The following RASEF variants were observed in gnomAD, a reference collection of about 807,000 sequenced individuals.
RASEF encodes the protein RAS and EF-hand domain containing.
RASEF carries 68 observed loss-of-function variants against 90.1 expected under a neutral mutation model. The observed-to-expected ratio is 0.75, with a 90% CI of 0.62 to 0.92. The LOEUF (loss-of-function observed/expected upper bound fraction) is 0.92, where lower values mean the gene tolerates loss of function less well. RASEF is among the 40% of genes least tolerant of loss of function. The probability of loss-of-function intolerance (pLI) is 0.00; values close to 1 mark genes in which losing one functional copy is unlikely to be tolerated. For missense variants in RASEF, 949 were observed against 937.2 expected (o/e 1.01, Z -0.16); for synonymous variants, 331 against 345.2 (o/e 0.96, Z 0.46).
At chr9:83,033,383 A>G (rs1311050077) in intron 1 of RASEF, among the ~76,000 whole-genome samples, 2 of 152,210 alleles carry the variant, frequency 1.3e-5, no homozygotes, top group African/African-American at 4.8e-5. Context: ...ACAGGTGAAC[A>G]TGACCAGTCC....
intron 1 of RASEF, among the ~76,000 whole-genome samples, chr9:83,056,647 G>C (rs77904585): frequency 0.012 from 1,862 of 152,338 alleles, 28 homozygotes; most frequent in East Asian, 0.072. Context: ...CGCTTAAAGA[G>C]ATAGGGGTAG....
chr9:83,070,419 A>G, the RASEF span, among the ~76,000 whole-genome samples: 64 of 152,232 alleles, frequency 4.2e-4, no homozygotes, highest in African/African-American at 1.5e-3. Flanking sequence ...TTAGAAATCA[A>G]ATGACTACAT....
At chr9:83,180,539 A>G in the RASEF span, among the ~76,000 whole-genome samples, 1 of 151,936 alleles carries the variant, frequency 6.6e-6, no homozygotes, top group Non-Finnish European at 1.5e-5. Context: ...TATTTAGTCA[A>G]CAAGTATGGC....
At chr9:83,007,409 G>T in intron 7 of RASEF, 28 bp downstream of exon 7, 4 of 1,534,846 alleles carry the variant, frequency 2.6e-6, no homozygotes, top group African/African-American at 1.4e-5. Context: ...AAATGTAAAT[G>T]TAATGAGCAT....
At chr9:83,124,659 T>C in the RASEF span, among the ~76,000 whole-genome samples, 1 of 152,294 alleles carries the variant, frequency 6.6e-6, no homozygotes, top group African/African-American at 2.4e-5. Flanking sequence ...TCAAGCCCTA[T>C]TGTGAGTCAG....
chr9:83,040,362 A>G (rs1564085950), intron 1 of RASEF, among the ~76,000 whole-genome samples: 1 of 152,208 alleles, frequency 6.6e-6, no homozygotes, highest in Non-Finnish European at 1.5e-5. Context: ...TTTTAACAAA[A>G]TATTATTTAT....
At chr9:83,057,800 TATATATCC>T (rs1349478357) in intron 1 of RASEF, among the ~76,000 whole-genome samples, 1 of 148,824 alleles carries the variant, frequency 6.7e-6, no homozygotes, top group African/African-American at 2.5e-5. Context: ...TACATACATA[TATATATCC>T]ATATATACAT....
the RASEF span, among the ~76,000 whole-genome samples, chr9:83,157,793 A>G: frequency 6.6e-6 from 1 of 152,220 alleles, no homozygotes; most frequent in Non-Finnish European, 1.5e-5. Context: ...GCATTTACCA[A>G]TCTAAAAAAT....
the RASEF span, among the ~76,000 whole-genome samples, chr9:83,148,555 A>C: frequency 6.6e-6 from 1 of 152,112 alleles, no homozygotes; most frequent in Non-Finnish European, 1.5e-5. Context: ...CAGCCCTCAG[A>C]AGGAACCAAC....
In RASEF at chr9:83,009,959, A is replaced by G. The variant is rs557157216; in HGVS notation, c.844-203T>C. Among the ~76,000 whole-genome samples the G allele has an allele frequency of 2.6e-5, 4 of 152,322 alleles. No individual in the cohort carries two copies. In the East Asian group the frequency reaches 7.7e-4, roughly 29 times the overall value. On this transcript the variant is annotated intron_variant, in intron 5 of 16. Transcript: ENST00000376447. ...TAAAGTGTCAAAAATCAAAACCCTCAAAGTCATTCTTCATTTTTTTATGCT... is the reference window on the plus strand; with the variant it reads ...TAAAGTGTCAAAAATCAAAACCCTCGAAGTCATTCTTCATTTTTTTATGCT...
Position 83,036,070 on chromosome 9 carries a change from G to C in RASEF, c.432-10149C>G, listed in dbSNP as rs192667793. ...GTGTGAGACATCCATGCAGTGAAAAGATAGAATAATATGTGGCTAAATCAG... is the reference window on the plus strand; with the variant it reads ...GTGTGAGACATCCATGCAGTGAAAACATAGAATAATATGTGGCTAAATCAG... On this transcript the variant is annotated intron_variant, in intron 1 of 16. Coordinates refer to ENST00000376447, the MANE Select transcript of RASEF (RefSeq NM_152573.4). 1.4e-4 allele frequency among the ~76,000 whole-genome samples: 22 copies of C among 152,340 alleles called. No individual in the cohort carries two copies. In the East Asian group the frequency reaches 4.0e-3, roughly 28 times the overall value.
chr9:83,217,851 G>A, the RASEF span, among the ~76,000 whole-genome samples: 1 of 152,110 alleles, frequency 6.6e-6, no homozygotes, highest in Non-Finnish European at 1.5e-5. Context: ...GGAATAAAGG[G>A]GGATAAAATA....
chr9:82,986,814 C>T (rs1387279188), intron 16 of RASEF, among the ~76,000 whole-genome samples: 1 of 152,146 alleles, frequency 6.6e-6, no homozygotes, highest in Non-Finnish European at 1.5e-5. Flanking sequence ...GAATCTACTG[C>T]AAAATGTTTA....
At chr9:83,191,257 A>G in the RASEF span, among the ~76,000 whole-genome samples, 2 of 152,164 alleles carry the variant, frequency 1.3e-5, no homozygotes, top group African/African-American at 2.4e-5. Flanking sequence ...ACTTTCAATC[A>G]CTGAGAAAAC....
the RASEF span, among the ~76,000 whole-genome samples, chr9:83,107,658 A>T: frequency 6.6e-6 from 1 of 152,216 alleles, no homozygotes. Flanking sequence ...TACTTTAGGC[A>T]GTCCTGGACA....
chr9:83,195,835 T>C, the RASEF span, among the ~76,000 whole-genome samples: 3 of 152,150 alleles, frequency 2.0e-5, no homozygotes, highest in South Asian at 6.2e-4. Flanking sequence ...ATAATATATT[T>C]CTTCTCCTTT....
the RASEF span, among the ~76,000 whole-genome samples, chr9:83,198,999 A>G: frequency 1.3e-5 from 2 of 152,224 alleles, no homozygotes; most frequent in African/African-American, 4.8e-5. Flanking sequence ...TCAAATAACT[A>G]TGCAAAGCAA....
At chr9:83,116,930 T>C in the RASEF span, among the ~76,000 whole-genome samples, 1 of 152,226 alleles carries the variant, frequency 6.6e-6, no homozygotes. Flanking sequence ...TTTTTCTTCT[T>C]ATAAAGTAGA....
chr9:83,002,471 TTAA>T (rs1184301206), intron 9 of RASEF, among the ~76,000 whole-genome samples: 2 of 151,510 alleles, frequency 1.3e-5, no homozygotes, highest in Non-Finnish European at 2.9e-5. Context: ...TAATATACTG[TTAA>T]TAACAATAAC....
Sources: allele counts gnomAD v4.1 joint callset (sites outside exome capture counted in the v4.1 genomes callset), GRCh38; gene constraint gnomAD v4.1.1; transcripts MANE v1.5; gene names NCBI Gene and HGNC (gene_info 2026-07-23, HGNC 2026-07-21).